SWAP70: variants seen among roughly 807,000 people sequenced by gnomAD.
SWAP70 encodes the protein switching B cell complex subunit SWAP70.
Under a neutral mutation model 80.2 loss-of-function variants are expected in SWAP70, and 34 were observed. That is an observed-to-expected ratio of 0.42 (90% CI 0.32 to 0.56). SWAP70 has a LOEUF of 0.56. Among genes scored for constraint, SWAP70 ranks in the 20% least tolerant of loss-of-function variants. The pLI, the probability that SWAP70 is intolerant of heterozygous loss-of-function variation, is 0.09. For synonymous variants in SWAP70, 239 were observed against 238.5 expected (o/e 1.00, Z -0.02); for missense variants, 578 against 690.7 (o/e 0.84, Z 1.83).
intron 1 of SWAP70, among the ~76,000 whole-genome samples, chr11:9,679,567 C>T (rs1413395770): frequency 2.0e-5 from 3 of 152,232 alleles, no homozygotes; most frequent in Non-Finnish European, 4.4e-5. Flanking sequence ...GGTAATAGGA[C>T]AGCAGACAAT....
rs745648166 is a variant in SWAP70 at position 9,690,319 on chromosome 11, C to T, written c.100-3827C>T. On this transcript the variant is annotated intron_variant, in intron 1 of 11. Coordinates refer to ENST00000318950, the MANE Select transcript of SWAP70 (RefSeq NM_015055.4). ...AACCTTGGTAAGGTGTAGTCGTTCACGCCTCTAATCCCAGCACGCAGGCCA... is the reference window on the plus strand; with the variant it reads ...AACCTTGGTAAGGTGTAGTCGTTCATGCCTCTAATCCCAGCACGCAGGCCA... Among the ~76,000 whole-genome samples, 5 of 152,092 alleles carry T rather than the reference C, an allele frequency of 3.3e-5. No homozygotes were observed. The East Asian group carries it at 7.7e-4, about 23-fold the overall frequency.
chr11:9,710,762 C>G (rs1447703059), intron 2 of SWAP70, among the ~76,000 whole-genome samples: 1 of 151,510 alleles, frequency 6.6e-6, no homozygotes, highest in Non-Finnish European at 1.5e-5. Context: ...TCACTGCAGC[C>G]TTGACCACCT....
intron 1 of SWAP70, among the ~76,000 whole-genome samples, chr11:9,692,067 C>T (rs886956258): frequency 1.3e-5 from 2 of 152,078 alleles, no homozygotes; most frequent in African/African-American, 4.8e-5. Context: ...ATTGCCCTTA[C>T]AGCTCACTCA....
intron 1 of SWAP70, among the ~76,000 whole-genome samples, chr11:9,672,195 C>CTATGTGTATATA (rs530619499): frequency 8.4e-4 from 66 of 78,418 alleles, no homozygotes; most frequent in African/African-American, 1.4e-3. Context: ...ATGTGTGTGT[C>CTATGTGTATATA]TATATATATA....
At chr11:9,739,350 A>G (rs1851405772) in intron 8 of SWAP70, among the ~76,000 whole-genome samples, 1 of 152,194 alleles carries the variant, frequency 6.6e-6, no homozygotes, top group South Asian at 2.1e-4. Context: ...TGTGGTTCAG[A>G]GAAAAGAGGA....
Position 9,664,113 on chromosome 11 carries a change from A to C in SWAP70, c.-67A>C. On this transcript the variant is annotated 5_prime_UTR_variant, in exon 1 of 12. Transcript: ENST00000318950. ...CGGCGGGCTGTGGCTGCGGAGGTTG[A>C]GGGGCGTCCGAGGCGCGGAGGGGCT... 2.1e-6 allele frequency: 3 copies of C among 1,455,212 alleles called. No individual in the cohort carries two copies. Among genetic ancestry groups the C allele is most frequent in the Non-Finnish European group, 2.8e-6 (3 of 1,084,876 alleles). The allele number at this position is 1,455,212 out of a possible 1,614,324, so 90.1% of individuals were successfully genotyped here.
intron 4 of SWAP70, 120 bp downstream of exon 4, chr11:9,725,005 A>T (rs1960386): frequency 6.4e-6 from 5 of 782,130 alleles, no homozygotes; most frequent in Non-Finnish European, 8.0e-6. Flanking sequence ...TCGTTTTTTT[A>T]TTTTTTGTTT....
At chr11:9,742,503 A>C (rs1271437202) in intron 9 of SWAP70, among the ~76,000 whole-genome samples, 1 of 151,680 alleles carries the variant, frequency 6.6e-6, no homozygotes, top group Non-Finnish European at 1.5e-5. Flanking sequence ...CACCTGGCTA[A>C]TTTTTGTATT....
chr11:9,679,946 G>A (rs946256902), intron 1 of SWAP70, among the ~76,000 whole-genome samples: 11 of 152,302 alleles, frequency 7.2e-5, no homozygotes, highest in Admixed American at 2.6e-4. Context: ...TGGGATTACA[G>A]GCATGAGCCA....
chr11:9,664,986 G>T (rs1026665667), intron 1 of SWAP70, among the ~76,000 whole-genome samples: 5 of 152,152 alleles, frequency 3.3e-5, no homozygotes, highest in Non-Finnish European at 5.9e-5. Flanking sequence ...TTTCAGAGTC[G>T]TTATTGTGAC....
In SWAP70 at chr11:9,738,258, C is replaced by T. The variant is rs757451565; in HGVS notation, c.1126C>T (p.Arg376Cys). Reference sequence around the variant, plus strand: ...TCGTGCAGCAGAAGAGGAAAAGAAACGCCTTCAGACTCAAGTGGAACTTCA... The same window carrying T: ...TCGTGCAGCAGAAGAGGAAAAGAAATGCCTTCAGACTCAAGTGGAACTTCA... ...ASRAAEEEKKRLQTQVELQAR... is the reference protein window; with the variant it reads ...ASRAAEEEKKCLQTQVELQAR... The change falls in exon 8 of 12, where the codon CGC (arginine) becomes TGC (cysteine). Residue 376 changes from arginine to cysteine, a missense_variant. Coordinates refer to ENST00000318950, the MANE Select transcript of SWAP70 (RefSeq NM_015055.4). 2.7e-5 allele frequency: 43 copies of T among 1,610,956 alleles called. No individual in the cohort carries two copies. The highest frequency in any genetic ancestry group is 3.5e-5 in the Non-Finnish European group (41 of 1,178,634).
intron 1 of SWAP70, among the ~76,000 whole-genome samples, chr11:9,673,721 G>A (rs1850449192): frequency 6.6e-6 from 1 of 152,082 alleles, no homozygotes; most frequent in Admixed American, 6.5e-5. Flanking sequence ...AATTAGACAA[G>A]GAAGGTCAGA....
chr11:9,681,962 A>G (rs554637138), intron 1 of SWAP70, among the ~76,000 whole-genome samples: 1 of 152,334 alleles, frequency 6.6e-6, no homozygotes, highest in East Asian at 1.9e-4. Flanking sequence ...CCTGTACTCC[A>G]TTACTTGTGT....
At chr11:9,714,862 T>G (rs4910494) in intron 3 of SWAP70, among the ~76,000 whole-genome samples, 47,810 of 147,408 alleles carry the variant, frequency 0.32, 8,042 homozygotes, top group Non-Finnish European at 0.35. Flanking sequence ...GCCCAGGCTG[T>G]AGTGCAATGG....
chr11:9,707,150 A>G (rs1036959036), intron 2 of SWAP70, among the ~76,000 whole-genome samples: 6 of 152,222 alleles, frequency 3.9e-5, no homozygotes, highest in African/African-American at 1.4e-4. Context: ...TATAGATTTT[A>G]TACTTAAAAA....
At chr11:9,712,238 T>C (rs1440576232) in intron 2 of SWAP70, among the ~76,000 whole-genome samples, 1 of 151,940 alleles carries the variant, frequency 6.6e-6, no homozygotes, top group East Asian at 1.9e-4. Flanking sequence ...ATCTTTGTAC[T>C]GTCTTTGGCA....
chr11:9,742,956 T>A (rs56029305), intron 9 of SWAP70, among the ~76,000 whole-genome samples: 14,465 of 149,112 alleles, frequency 0.097, 1,825 homozygotes, highest in East Asian at 0.28. Context: ...TGTGCAGGTT[T>A]GTTACATATG....
intron 3 of SWAP70, among the ~76,000 whole-genome samples, chr11:9,717,238 C>CT (rs1851077952): frequency 6.6e-6 from 1 of 152,128 alleles, no homozygotes; most frequent in Non-Finnish European, 1.5e-5. Flanking sequence ...AATTGTCTAG[C>CT]TTAATACAGA....
chr11:9,736,770 C>G (rs1851368728), intron 7 of SWAP70, among the ~76,000 whole-genome samples: 1 of 152,180 alleles, frequency 6.6e-6, no homozygotes, highest in African/African-American at 2.4e-5. Flanking sequence ...CTGTTGTTCT[C>G]CATAATGCCC....
Sources: allele counts gnomAD v4.1 joint callset (sites outside exome capture counted in the v4.1 genomes callset), GRCh38; gene constraint gnomAD v4.1.1; transcripts MANE v1.5; gene names NCBI Gene and HGNC (gene_info 2026-07-23, HGNC 2026-07-21).